Variants in ELAVL2 observed in about 807,000 individuals in gnomAD.
ELAVL2 encodes ELAV like RNA binding protein 2.
Under a neutral mutation model 34.6 loss-of-function variants are expected in ELAVL2, and 4 were observed. The ratio of observed to expected loss-of-function variants is 0.12; its 90% confidence interval spans 0.06 to 0.26. The LOEUF (loss-of-function observed/expected upper bound fraction) is 0.26, where lower values mean the gene tolerates loss of function less well. Ranked by LOEUF, ELAVL2 falls within the 10% of genes least tolerant of loss-of-function variation. The pLI is 1.00. For synonymous variants in ELAVL2, 193 were observed against 154.8 expected (o/e 1.25, Z -1.83); for missense variants, 432 against 442.8 (o/e 0.98, Z 0.22).
chr9:23,692,183 C>T lies in ELAVL2; in HGVS notation c.*374G>A, dbSNP rs1182049857. ...AAAGGGGGGAAAAAAAAGACACAACCAACTGAAGAATTACAACACAAAGCC... is the reference window on the plus strand; with the variant it reads ...AAAGGGGGGAAAAAAAAGACACAACTAACTGAAGAATTACAACACAAAGCC... On this transcript the variant is annotated 3_prime_UTR_variant, in exon 7 of 7. Coordinates refer to ENST00000397312, the MANE Select transcript of ELAVL2 (RefSeq NM_004432.5). 1.0e-4 allele frequency: 17 copies of T among 169,408 alleles called. No homozygotes were observed. Among genetic ancestry groups the T allele is most frequent in the Non-Finnish European group, 2.2e-4 (17 of 79,060 alleles). The allele number at this position is 169,408 out of a possible 1,614,324, so 10.5% of individuals were successfully genotyped here.
the ELAVL2 span, among the ~76,000 whole-genome samples, chr9:23,850,242 C>G: frequency 6.6e-5 from 10 of 151,002 alleles, no homozygotes; most frequent in East Asian, 3.9e-4. Context: ...ACCACCCCCC[C>G]CGCCCCCAGC....
chr9:23,751,085 C>G (rs778476612), intron 2 of ELAVL2, among the ~76,000 whole-genome samples: 3 of 152,068 alleles, frequency 2.0e-5, no homozygotes, highest in Admixed American at 1.3e-4. Flanking sequence ...AATAAACATT[C>G]AAGTCTATCA....
chr9:23,847,813 G>A, the ELAVL2 span, among the ~76,000 whole-genome samples: 1 of 151,998 alleles, frequency 6.6e-6, no homozygotes, highest in Non-Finnish European at 1.5e-5. Flanking sequence ...TTTAAAGGCA[G>A]TTAAACTACA....
At chr9:23,732,705 C>T (rs2134630941) in intron 2 of ELAVL2, among the ~76,000 whole-genome samples, 1 of 152,274 alleles carries the variant, frequency 6.6e-6, no homozygotes, top group South Asian at 2.1e-4. Flanking sequence ...AGTGGAAAGA[C>T]AGACTTCCAA....
chr9:23,751,899 A>G (rs773651812), intron 2 of ELAVL2, among the ~76,000 whole-genome samples: 1 of 152,170 alleles, frequency 6.6e-6, no homozygotes, highest in Non-Finnish European at 1.5e-5. Flanking sequence ...ATTAATCATC[A>G]TTCTGGGCTC....
chr9:23,747,186 T>A (rs1161059581), intron 2 of ELAVL2, among the ~76,000 whole-genome samples: 1 of 151,940 alleles, frequency 6.6e-6, no homozygotes, highest in Non-Finnish European at 1.5e-5. Context: ...TCTGTTAAGA[T>A]GGATTCTAAG....
intron 3 of ELAVL2, among the ~76,000 whole-genome samples, chr9:23,715,464 G>C (rs1043907510): frequency 2.0e-5 from 3 of 152,196 alleles, no homozygotes; most frequent in Non-Finnish European, 4.4e-5. Context: ...TTGTTCTGAA[G>C]TACCTCTCAA....
chr9:23,793,339 T>C (rs947136001), intron 1 of ELAVL2, among the ~76,000 whole-genome samples: 4 of 152,070 alleles, frequency 2.6e-5, no homozygotes, highest in African/African-American at 4.8e-5. Flanking sequence ...TCCACATAAA[T>C]AGAAAATGGG....
intron 1 of ELAVL2, among the ~76,000 whole-genome samples, chr9:23,783,091 T>G (rs2059272983): frequency 6.6e-6 from 1 of 152,120 alleles, no homozygotes; most frequent in South Asian, 2.1e-4. Flanking sequence ...CAACAAACTC[T>G]TATCTCAAAA....
chr9:23,800,320 T>C (rs186846658), intron 1 of ELAVL2, among the ~76,000 whole-genome samples: 1 of 152,292 alleles, frequency 6.6e-6, no homozygotes, highest in African/African-American at 2.4e-5. Flanking sequence ...CTTCTCAGCT[T>C]ATTTTAACAC....
chr9:23,739,805 C>A (rs868214841), intron 2 of ELAVL2, among the ~76,000 whole-genome samples: 18 of 151,886 alleles, frequency 1.2e-4, no homozygotes, highest in South Asian at 6.2e-4. Context: ...ACGCACACAC[C>A]CCCCCCACTA....
At chr9:23,733,267 T>C (rs2047047105) in intron 2 of ELAVL2, among the ~76,000 whole-genome samples, 1 of 151,828 alleles carries the variant, frequency 6.6e-6, no homozygotes, top group Admixed American at 6.6e-5. Flanking sequence ...TGTGTGTTTG[T>C]GTCTGTATAT....
At chr9:23,704,822 G>A (rs2038769195) in intron 4 of ELAVL2, 96 bp downstream of exon 4, 6 of 1,502,528 alleles carry the variant, frequency 4.0e-6, no homozygotes, top group Non-Finnish European at 5.4e-6. Flanking sequence ...CCTTTGATAT[G>A]TTCTAGAAGC....
At chr9:23,698,339 G>C (rs1470310776) in intron 5 of ELAVL2, among the ~76,000 whole-genome samples, 1 of 152,178 alleles carries the variant, frequency 6.6e-6, no homozygotes, top group Non-Finnish European at 1.5e-5. Context: ...TAGACCAGCA[G>C]TGCTCATATT....
intron 2 of ELAVL2, among the ~76,000 whole-genome samples, chr9:23,757,717 A>G (rs2053912496): frequency 6.6e-6 from 1 of 152,076 alleles, no homozygotes; most frequent in African/African-American, 2.4e-5. Flanking sequence ...TGAAGCATAC[A>G]GCTGGGCAGA....
intron 5 of ELAVL2, among the ~76,000 whole-genome samples, chr9:23,698,956 G>A (rs766062791): frequency 6.6e-6 from 1 of 152,148 alleles, no homozygotes; most frequent in Non-Finnish European, 1.5e-5. Flanking sequence ...GGGGTGAATG[G>A]GACAACAGTT....
intron 1 of ELAVL2, among the ~76,000 whole-genome samples, chr9:23,803,562 C>A (rs1487737834): frequency 6.6e-6 from 1 of 152,160 alleles, no homozygotes; most frequent in Non-Finnish European, 1.5e-5. Flanking sequence ...CTTCAGTTTT[C>A]CTCACACTAA....
At chr9:23,694,169 C>A (rs2034263921) in intron 5 of ELAVL2, among the ~76,000 whole-genome samples, 1 of 151,952 alleles carries the variant, frequency 6.6e-6, no homozygotes, top group African/African-American at 2.4e-5. Flanking sequence ...AGATCCTGAT[C>A]TGGATGCTGT....
intron 2 of ELAVL2, among the ~76,000 whole-genome samples, chr9:23,747,924 T>TA (rs1229528137): frequency 6.6e-6 from 1 of 151,670 alleles, no homozygotes; most frequent in Non-Finnish European, 1.5e-5. Flanking sequence ...TTTTTTTTTT[T>TA]AAAAAAAGGA....
Sources: gnomAD v4.1 joint callset for allele counts (sites outside exome capture counted in the v4.1 genomes callset) on GRCh38, gnomAD v4.1.1 for gene constraint, MANE v1.5 for transcripts, NCBI Gene and HGNC (gene_info 2026-07-23, HGNC 2026-07-21) for gene names.